The following ROCK2 variants were observed in gnomAD, a reference collection of about 807,000 sequenced individuals.
ROCK2 encodes the protein rho-associated protein kinase 2.
In ROCK2, 61 loss-of-function variants were observed where a neutral mutation model predicts 195.1. That is an observed-to-expected ratio of 0.31 (90% confidence interval 0.25 to 0.39). The LOEUF is 0.39. Ranked by LOEUF, ROCK2 falls within the 10% of genes least tolerant of loss-of-function variation. ROCK2 has a pLI of 1.00. For missense variants in ROCK2, 1,109 were observed against 1,637.4 expected, an observed-to-expected ratio of 0.68 and a Z score of 5.57; for synonymous variants, 504 against 545.5, an observed-to-expected ratio of 0.92 and a Z score of 1.06.
rs760140608 is a variant in ROCK2, at chr2:11,211,737, G to A, written c.2147C>T (p.Ala716Val). 1 of 1,613,456 alleles carries A rather than the reference G, an allele frequency of 6.2e-7. No individual in the cohort carries two copies. The highest frequency in any genetic ancestry group is 8.5e-7 in the Non-Finnish European group (1 of 1,179,718). Residue 716 changes from alanine (A) to valine (V), a missense_variant, in exon 18 of 33, where the codon GCA becomes GTA. Ala to Val is a moderately conservative substitution (Grantham distance 64, BLOSUM62 0). Coordinates refer to ENST00000315872, the MANE Select transcript of ROCK2 (RefSeq NM_004850.5). ...AEHKATKARL[A>V]DKNKIYESIE... ...GGACTCATAGATCTTATTTTTATCT[G>A]CTAGTCGTGCCTTTGTGGCCTTATG...
At chr2:11,344,915 C>T (rs1572437903), upstream of ROCK2, among the ~76,000 whole-genome samples, 5 of 144,718 alleles carry the variant, frequency 3.5e-5, no homozygotes, top group South Asian at 1.1e-3. This position sits in a 1 kb window ranked among gnomAD's most constrained non-coding sequence, Gnocchi z 5.4. Context: ...CAGGCCGGGT[C>T]CTTCCGCGCG....
intron 4 of ROCK2, among the ~76,000 whole-genome samples, chr2:11,244,251 A>G (rs1034681752): frequency 6.6e-6 from 1 of 152,156 alleles, no homozygotes; most frequent in Non-Finnish European, 1.5e-5. Flanking sequence ...ATACTTATGT[A>G]ATATCTTCAA....
At chr2:11,219,055 TTTTCA>T in intron 9 of ROCK2, 29 bp from the exon 10 acceptor site, 1 of 1,277,778 alleles carries the variant, frequency 7.8e-7, no homozygotes, top group Non-Finnish European at 1.1e-6. Context: ...AAAATAAATT[TTTTCA>T]TTTCATTTTA....
chr2:11,195,281 A>G (rs1028048635), intron 27 of ROCK2: 2 of 224,114 alleles, frequency 8.9e-6, no homozygotes, highest in African/African-American at 2.3e-5. Flanking sequence ...TCCATTGATT[A>G]AATTCATGCA....
At chr2:11,311,608 A>C (rs1668037981) in intron 1 of ROCK2, among the ~76,000 whole-genome samples, 1 of 152,228 alleles carries the variant, frequency 6.6e-6, no homozygotes, top group African/African-American at 2.4e-5. Context: ...GTCTGCCTCA[A>C]CAGTAACTGC....
intron 32 of ROCK2, chr2:11,184,713 C>A: frequency 1.0e-6 from 1 of 982,946 alleles, no homozygotes; most frequent in Non-Finnish European, 1.2e-6. Context: ...ATCATCACCA[C>A]CACCATCAAC....
intron 1 of ROCK2, among the ~76,000 whole-genome samples, chr2:11,302,342 C>T (rs957453798): frequency 2.6e-5 from 4 of 151,160 alleles, no homozygotes; most frequent in East Asian, 1.9e-4. Flanking sequence ...TCTTTTGAGA[C>T]GGAGTCTCAC....
intron 1 of ROCK2, among the ~76,000 whole-genome samples, chr2:11,305,066 C>G (rs1667813357): frequency 6.6e-6 from 1 of 152,042 alleles, no homozygotes; most frequent in Non-Finnish European, 1.5e-5. Context: ...TATGAATTAA[C>G]AGATTTCATT....
intron 4 of ROCK2, among the ~76,000 whole-genome samples, chr2:11,237,887 G>A (rs545017751): frequency 1.2e-4 from 18 of 152,318 alleles, no homozygotes; most frequent in African/African-American, 4.3e-4. Flanking sequence ...AGATCAGCCT[G>A]GCCAACATGG....
chr2:11,195,735 G>A (rs888606708), intron 27 of ROCK2, among the ~76,000 whole-genome samples: 1 of 152,080 alleles, frequency 6.6e-6, no homozygotes, highest in African/African-American at 2.4e-5. Flanking sequence ...GGCTAGTCTC[G>A]AACTCCTGAC....
At chr2:11,286,714 ATTT>A in intron 2 of ROCK2, 75 bp from the exon 3 acceptor site, 1 of 920,046 alleles carries the variant, frequency 1.1e-6, no homozygotes, top group Non-Finnish European at 1.6e-6. Context: ...TTATAAATAT[ATTT>A]TTGTTTCAAG....
intron 3 of ROCK2, among the ~76,000 whole-genome samples, chr2:11,254,597 A>G (rs1239580655): frequency 1.3e-5 from 2 of 151,968 alleles, no homozygotes; most frequent in African/African-American, 4.8e-5. Flanking sequence ...ATTTCCAGAC[A>G]AGCAAAAGTA....
In ROCK2 at chr2:11,181,179, AAAATATATAT is replaced by A. The variant is rs1334499091; in HGVS notation, c.*2248_*2257del. ...TATTTCACCTTAATAAAGTTTATTAAAAATATATATATATATATATATATATATATACTCT... is the reference window on the plus strand; with the variant it reads ...TATTTCACCTTAATAAAGTTTATTAAATATATATATATATATATATACTCT... On this transcript the variant is annotated 3_prime_UTR_variant, in exon 33 of 33. Coordinates refer to ENST00000315872, the MANE Select transcript of ROCK2 (RefSeq NM_004850.5). 1.0e-5 allele frequency: 1 copy of A among 98,658 alleles called. No homozygotes were observed. Among genetic ancestry groups the A allele is most frequent in the African/African-American group, 4.5e-5 (1 of 22,370 alleles). 6.1% of individuals were successfully genotyped at this position (98,658 alleles called of 1,614,324 possible). A position where few individuals can be genotyped will look rare whatever the true frequency, so the allele number is the denominator to read the frequency against.
At chr2:11,325,952 T>C (rs1006090830) in intron 1 of ROCK2, among the ~76,000 whole-genome samples, 5 of 152,172 alleles carry the variant, frequency 3.3e-5, no homozygotes, top group African/African-American at 1.2e-4. Context: ...CACTAGATTT[T>C]TGGCCTGATC....
intron 1 of ROCK2, among the ~76,000 whole-genome samples, chr2:11,296,049 A>AGAGAGAGAGAGAGAGAGG (rs1667527006): frequency 6.7e-6 from 1 of 148,528 alleles, no homozygotes; most frequent in African/African-American, 2.6e-5. Flanking sequence ...AGAGAGAGAG[A>AGAGAGAGAGAGAGAGAGG]GAAAACAAAG....
At chr2:11,318,266 C>T (rs1668288129) in intron 1 of ROCK2, among the ~76,000 whole-genome samples, 1 of 152,210 alleles carries the variant, frequency 6.6e-6, no homozygotes. Flanking sequence ...ACATCCTCTC[C>T]AGCACCTGCT....
intron 1 of ROCK2, among the ~76,000 whole-genome samples, chr2:11,326,753 G>C (rs1668562145): frequency 6.6e-6 from 1 of 152,204 alleles, no homozygotes; most frequent in African/African-American, 2.4e-5. Flanking sequence ...CCAGAGCACA[G>C]TTGGAGAATC....
Position 11,221,188 on chromosome 2 carries a change from A to C in ROCK2, c.1259+10T>G. 1 of 1,526,396 alleles carries C rather than the reference A, an allele frequency of 6.6e-7. No homozygotes were observed. Among genetic ancestry groups the C allele is most frequent in the Middle Eastern group, 1.7e-4 (1 of 5,818 alleles). The allele number at this position is 1,526,396 out of a possible 1,614,324, so 94.6% of individuals were successfully genotyped here. Reference sequence around the variant, plus strand: ...AAACAGTAAAATTTAACAAATAATAAACCACATACAAATTTTCTCTATAGT... The same window carrying C: ...AAACAGTAAAATTTAACAAATAATACACCACATACAAATTTTCTCTATAGT... On this transcript the variant is annotated intron_variant, in intron 9 of 32. Transcript: ENST00000315872.
At chr2:11,335,303 GCAGGAGTA>G (rs1218926695) in intron 1 of ROCK2, among the ~76,000 whole-genome samples, 1 of 152,032 alleles carries the variant, frequency 6.6e-6, no homozygotes, top group African/African-American at 2.4e-5. Flanking sequence ...TTAAAGGGGG[GCAGGAGTA>G]CAGATGAGAG....
Sources: gnomAD v4.1 joint callset for allele counts (sites outside exome capture counted in the v4.1 genomes callset) on GRCh38, gnomAD v4.1.1 for gene constraint, Gnocchi (gnomAD v3.1) non-coding constraint, MANE v1.5 for transcripts, NCBI Gene and HGNC (gene_info 2026-07-23, HGNC 2026-07-21) for gene names.